AXDND1: variants seen among roughly 807,000 people sequenced by gnomAD.
The protein encoded by AXDND1 is axonemal dynein light chain domain-containing protein 1.
Under a neutral mutation model 137.5 loss-of-function variants are expected in AXDND1, and 110 were observed. The ratio of observed to expected loss-of-function variants is 0.80; its 90% confidence interval spans 0.69 to 0.94. The LOEUF (loss-of-function observed/expected upper bound fraction) is 0.94, where lower values mean the gene tolerates loss of function less well. Among genes scored for constraint, AXDND1 ranks in the 40% least tolerant of loss-of-function variants. AXDND1 has a pLI of 0.00. For missense variants in AXDND1, 1,191 were observed against 1,169.8 expected (o/e 1.02, Z -0.26); for synonymous variants, 414 against 399.7 (o/e 1.04, Z -0.43).
At chr1:179,442,953 C>T (rs905400581) in intron 15 of AXDND1, among the ~76,000 whole-genome samples, 7 of 152,162 alleles carry the variant, frequency 4.6e-5, no homozygotes, top group African/African-American at 1.4e-4. Context: ...GAGCTTTACA[C>T]AGCGCTCCAT....
At chr1:179,520,740 ATATCT>A (rs1669973748) in intron 21 of AXDND1, among the ~76,000 whole-genome samples, 1 of 151,510 alleles carries the variant, frequency 6.6e-6, no homozygotes, top group Non-Finnish European at 1.5e-5. Flanking sequence ...CCTTTAAATC[ATATCT>A]TATTTGTTTG....
rs750630646 is a variant in AXDND1, at chr1:179,385,366, G to A, written c.863+7G>A. On this transcript the variant is annotated splice_region_variant and intron_variant, in intron 9 of 25. Transcript: ENST00000367618. ...AACTTCTGTCTAAAGTCAGGTTAGT[G>A]CTGTTATTGGAATGGTCCAGTTTCC... is the stretch of plus-strand genomic sequence containing the variant. 3 of 1,613,972 alleles carry A rather than the reference G, an allele frequency of 1.9e-6. No homozygotes were observed. The highest frequency in any genetic ancestry group is 2.2e-5 in the East Asian group (1 of 44,846).
chr1:179,541,268 C>T (rs530557516), intron 25 of AXDND1, among the ~76,000 whole-genome samples: 1 of 152,296 alleles, frequency 6.6e-6, no homozygotes, highest in South Asian at 2.1e-4. Flanking sequence ...GGGAAATACC[C>T]TGACTCCTTG....
At chr1:179,416,680 A>G (rs1206898085) in intron 12 of AXDND1, among the ~76,000 whole-genome samples, 1 of 152,226 alleles carries the variant, frequency 6.6e-6, no homozygotes, top group Non-Finnish European at 1.5e-5. Context: ...ATGTTATCAC[A>G]TAAATTATAA....
chr1:179,434,453 A>G (rs1479748447), intron 15 of AXDND1, among the ~76,000 whole-genome samples: 1 of 152,208 alleles, frequency 6.6e-6, no homozygotes, highest in African/African-American at 2.4e-5. Flanking sequence ...AAAATCCTCA[A>G]TAAAATACTG....
chr1:179,384,341 A>C lies in AXDND1; in HGVS notation c.741+797A>C, dbSNP rs74130195. Among the ~76,000 whole-genome samples, 1,149 of 152,270 alleles carry C rather than the reference A, an allele frequency of 7.5e-3. 14 individuals carry two copies. Among genetic ancestry groups the C allele is most frequent in the African/African-American group, 0.026 (1,094 of 41,556 alleles). On this transcript the variant is annotated intron_variant, in intron 8 of 25. Transcript: ENST00000367618. ...CCTCTTTAATACCCAGATATTCAGGATATATTTCCTACAAACAAGGACATT... is the reference window on the plus strand; with the variant it reads ...CCTCTTTAATACCCAGATATTCAGGCTATATTTCCTACAAACAAGGACATT...
intron 9 of AXDND1, among the ~76,000 whole-genome samples, chr1:179,392,567 G>T (rs1243228117): frequency 6.6e-6 from 1 of 152,156 alleles, no homozygotes; most frequent in Non-Finnish European, 1.5e-5. Flanking sequence ...TTCCATAGTG[G>T]TTGTACTAGT....
At chr1:179,433,603 G>A (rs1265005934) in intron 15 of AXDND1, among the ~76,000 whole-genome samples, 2 of 152,142 alleles carry the variant, frequency 1.3e-5, no homozygotes, top group African/African-American at 4.8e-5. Flanking sequence ...CTTGATTTCT[G>A]CCTTAATTTC....
chr1:179,417,754 C>A lies in AXDND1; in HGVS notation c.1230+6488C>A, dbSNP rs554241210. Among the ~76,000 whole-genome samples the A allele has an allele frequency of 3.9e-5, 6 of 151,976 alleles. No individual in the cohort carries two copies. In the East Asian group the frequency reaches 1.2e-3, roughly 29 times the overall value. ...TAAAAAAAAAATTCTGTGAAGAATG[C>A]CATTGGTATTTTAAGAGGGCTGGCA... On this transcript the variant is annotated intron_variant, in intron 12 of 25. Coordinates refer to ENST00000367618, the MANE Select transcript of AXDND1 (RefSeq NM_144696.6).
At position 179,537,382 on chromosome 1, in the gene AXDND1, C is replaced by G. The variant is rs148558855; in HGVS notation, c.3031+2420C>G. On this transcript the variant is annotated intron_variant, in intron 25 of 25. Coordinates refer to ENST00000367618, the MANE Select transcript of AXDND1 (RefSeq NM_144696.6). ...ATCTTGAGATACGTTCCATCATCACCTAGTTTATTGAGAGTTTTTAGCATG... is the reference window on the plus strand; with the variant it reads ...ATCTTGAGATACGTTCCATCATCACGTAGTTTATTGAGAGTTTTTAGCATG... Among the ~76,000 whole-genome samples the G allele has an allele frequency of 4.0e-3, 606 of 152,282 alleles. 4 individuals are homozygous for G. The highest frequency in any genetic ancestry group is 0.014 in the African/African-American group (577 of 41,562).
chr1:179,377,975 C>T (rs192501417), intron 4 of AXDND1, among the ~76,000 whole-genome samples: 80 of 152,146 alleles, frequency 5.3e-4, no homozygotes, highest in Admixed American at 1.7e-3. Flanking sequence ...TTGAGACCAG[C>T]GTGGCCAACG....
intron 17 of AXDND1, among the ~76,000 whole-genome samples, chr1:179,471,908 T>C (rs4363399): frequency 0.2 from 30,581 of 151,904 alleles, 3,188 homozygotes; most frequent in Non-Finnish European, 0.23. Context: ...TTTTCTTTTT[T>C]TTTTGAGATG....
intron 21 of AXDND1, among the ~76,000 whole-genome samples, chr1:179,512,941 T>A (rs1669192191): frequency 6.6e-6 from 1 of 152,192 alleles, no homozygotes; most frequent in African/African-American, 2.4e-5. Flanking sequence ...AATTCTTTTA[T>A]CATTTCTAGG....
chr1:179,500,315 G>T (rs1296027574), intron 20 of AXDND1, among the ~76,000 whole-genome samples: 2 of 144,610 alleles, frequency 1.4e-5, no homozygotes, highest in Admixed American at 6.9e-5. Context: ...TATATATATA[G>T]CCATTAATTG....
intron 12 of AXDND1, among the ~76,000 whole-genome samples, chr1:179,421,240 T>C (rs1247895503): frequency 6.6e-6 from 1 of 152,062 alleles, no homozygotes; most frequent in Non-Finnish European, 1.5e-5. Flanking sequence ...AATTTCGAAG[T>C]CAGGTAGTGT....
At chr1:179,465,669 G>A (rs1663042462) in intron 16 of AXDND1, among the ~76,000 whole-genome samples, 1 of 152,216 alleles carries the variant, frequency 6.6e-6, no homozygotes, top group African/African-American at 2.4e-5. Context: ...GGATGTTTAA[G>A]TCTGCAGAAG....
intron 4 of AXDND1, among the ~76,000 whole-genome samples, chr1:179,377,679 C>T (rs1416209684): frequency 1.3e-5 from 2 of 152,132 alleles, no homozygotes; most frequent in African/African-American, 2.4e-5. Context: ...CCCTGGAAAA[C>T]ATTCCAGGGA....
intron 17 of AXDND1, among the ~76,000 whole-genome samples, chr1:179,475,691 G>C (rs1480281367): frequency 1.3e-5 from 2 of 152,202 alleles, no homozygotes; most frequent in Non-Finnish European, 2.9e-5. Flanking sequence ...ATGTTGCACT[G>C]TGGACTTTTG....
intron 25 of AXDND1, chr1:179,545,940 G>A (rs1167042034): frequency 2.0e-5 from 3 of 152,176 alleles, no homozygotes; most frequent in Non-Finnish European, 4.4e-5. Flanking sequence ...AGGATGCTGG[G>A]GGGTTCAAGG....
Sources: gnomAD v4.1 joint callset for allele counts (sites outside exome capture counted in the v4.1 genomes callset) on GRCh38, gnomAD v4.1.1 for gene constraint, MANE v1.5 for transcripts, NCBI Gene and HGNC (gene_info 2026-07-23, HGNC 2026-07-21) for gene names.